The following IL21R variants were observed in gnomAD, a reference collection of about 807,000 sequenced individuals.
The protein encoded by IL21R is interleukin 21 receptor.
A neutral mutation model predicts 41.3 loss-of-function variants in IL21R; 14 were observed. That is an observed-to-expected ratio of 0.34 (90% confidence interval 0.22 to 0.53). The LOEUF (loss-of-function observed/expected upper bound fraction) is 0.53. Ranked by LOEUF, IL21R falls within the 20% of genes least tolerant of loss-of-function variation. The pLI is 0.94. For missense variants in IL21R, 588 were observed against 681.6 expected, an observed-to-expected ratio of 0.86 and a Z score of 1.53; for synonymous variants, 286 against 287.6, an observed-to-expected ratio of 0.99 and a Z score of 0.05.
intron 1 of IL21R, among the ~76,000 whole-genome samples, chr16:27,418,977 G>A (rs1272627719): frequency 6.6e-6 from 1 of 151,888 alleles, no homozygotes; most frequent in African/African-American, 2.4e-5. Flanking sequence ...CACTTTGGGA[G>A]GCCAAGGAGG....
chr16:27,405,971 G>A (rs879817607), intron 1 of IL21R, among the ~76,000 whole-genome samples: 82 of 152,246 alleles, frequency 5.4e-4, no homozygotes, highest in Non-Finnish European at 1.1e-3. Flanking sequence ...CGGGGAGTTG[G>A]GGCAAGTGCA....
intron 1 of IL21R, among the ~76,000 whole-genome samples, chr16:27,415,805 ATTGACATGGC>A (rs1345682716): frequency 7.9e-5 from 12 of 152,250 alleles, no homozygotes; most frequent in African/African-American, 2.7e-4. Flanking sequence ...AAAAGCCTGC[ATTGACATGGC>A]TATATTCCCA....
At chr16:27,430,422 C>T (rs1411762933) in intron 2 of IL21R, among the ~76,000 whole-genome samples, 1 of 152,222 alleles carries the variant, frequency 6.6e-6, no homozygotes, top group African/African-American at 2.4e-5. Flanking sequence ...TTTCCCCTGA[C>T]CTCTGCCTTG....
intron 8 of IL21R, chr16:27,447,579 C>T (rs3093381): frequency 0.037 from 5,617 of 152,248 alleles, 243 homozygotes; most frequent in East Asian, 0.1. Context: ...TAAGGGCCAC[C>T]GCCTCAGCCA....
At chr16:27,407,591 CAAG>C (rs1187220049) in intron 1 of IL21R, among the ~76,000 whole-genome samples, 1 of 152,184 alleles carries the variant, frequency 6.6e-6, no homozygotes, top group African/African-American at 2.4e-5. Flanking sequence ...TTTGGGAGGC[CAAG>C]GAGGGTGGAT....
chr16:27,451,313 T>C lies in IL21R; in HGVS notation c.*2030T>C, dbSNP rs1596603490. On this transcript the variant is annotated 3_prime_UTR_variant, in exon 9 of 9. Coordinates refer to ENST00000337929, the MANE Select transcript of IL21R (RefSeq NM_181078.3). Reference sequence around the variant, plus strand: ...GGGTGGCGGAGGGGAACACAGATGGTTGGGGAAGGCCTGAGGCCAGATTGG... The same window carrying C: ...GGGTGGCGGAGGGGAACACAGATGGCTGGGGAAGGCCTGAGGCCAGATTGG... The C allele has an allele frequency of 4.4e-6, 1 of 227,370 alleles. No homozygotes were observed. The highest frequency in any genetic ancestry group is 1.8e-4 in the South Asian group (1 of 5,472). 14.1% of individuals were successfully genotyped at this position (227,370 alleles called of 1,614,324 possible). A position where few individuals can be genotyped will look rare whatever the true frequency, so the allele number is the denominator to read the frequency against.
At chr16:27,433,609 T>A (rs1227559191) in intron 2 of IL21R, among the ~76,000 whole-genome samples, 1 of 151,756 alleles carries the variant, frequency 6.6e-6, no homozygotes, top group Non-Finnish European at 1.5e-5. Context: ...ATTGCACCCC[T>A]GTTTTAGAAC....
intron 2 of IL21R, among the ~76,000 whole-genome samples, chr16:27,431,218 T>G (rs900686455): frequency 2.0e-5 from 3 of 152,232 alleles, no homozygotes; most frequent in Admixed American, 6.5e-5. Flanking sequence ...AGGAAACAGA[T>G]GTCAAGCTTT....
At chr16:27,418,070 T>C (rs912085484) in intron 1 of IL21R, among the ~76,000 whole-genome samples, 20 of 65,752 alleles carry the variant, frequency 3.0e-4, no homozygotes, top group African/African-American at 8.6e-4. Flanking sequence ...ATTTTATTTA[T>C]GTTATTTTAT....
intron 1 of IL21R, among the ~76,000 whole-genome samples, chr16:27,421,416 T>A (rs2086999667): frequency 6.6e-6 from 1 of 150,380 alleles, no homozygotes; most frequent in Admixed American, 6.6e-5. Flanking sequence ...ATTTGAGGCG[T>A]CATCTTGATA....
intron 1 of IL21R, among the ~76,000 whole-genome samples, chr16:27,425,857 C>T (rs2087067990): frequency 6.6e-6 from 1 of 152,106 alleles, no homozygotes; most frequent in African/African-American, 2.4e-5. Context: ...TGCCCGGCCT[C>T]CCTTTCTTAA....
At chr16:27,404,521 G>C (rs2086708192) in intron 1 of IL21R, among the ~76,000 whole-genome samples, 1 of 152,182 alleles carries the variant, frequency 6.6e-6, no homozygotes, top group Admixed American at 6.5e-5. Flanking sequence ...GTAGCATCAG[G>C]ACAACCCAGG....
chr16:27,403,288 G>A (rs2086689366), intron 1 of IL21R: 1 of 1,296,944 alleles, frequency 7.7e-7, no homozygotes, highest in Non-Finnish European at 1.0e-6. Context: ...TGGAGGCTGA[G>A]CCTTGAAGGA....
intron 8 of IL21R, among the ~76,000 whole-genome samples, chr16:27,447,435 T>A (rs1426941938): frequency 6.6e-6 from 1 of 152,004 alleles, no homozygotes; most frequent in Non-Finnish European, 1.5e-5. Context: ...AGTTCTGAGA[T>A]GAGTTTTTGA....
intron 1 of IL21R, among the ~76,000 whole-genome samples, chr16:27,411,582 C>T (rs865985423): frequency 1.4e-4 from 21 of 151,382 alleles, no homozygotes; most frequent in Non-Finnish European, 1.3e-4. Flanking sequence ...CCTGCCTCAG[C>T]CTCCTGAGTA....
At chr16:27,423,238 T>TC (rs986230454) in intron 1 of IL21R, among the ~76,000 whole-genome samples, 2 of 152,104 alleles carry the variant, frequency 1.3e-5, no homozygotes, top group African/African-American at 4.8e-5. Context: ...GCAGTTTTTT[T>TC]TTTTCTGCTT....
chr16:27,414,146 G>T (rs565888357), intron 1 of IL21R, among the ~76,000 whole-genome samples: 3 of 114,504 alleles, frequency 2.6e-5, no homozygotes, highest in Non-Finnish European at 5.5e-5. Flanking sequence ...CACAATTAAG[G>T]ATAATGTTAG....
chr16:27,429,328 C>A (rs2087128726), intron 1 of IL21R, among the ~76,000 whole-genome samples: 1 of 152,160 alleles, frequency 6.6e-6, no homozygotes, highest in Non-Finnish European at 1.5e-5. Context: ...CCTTTCCAAA[C>A]TAGTTTTTTC....
At chr16:27,435,201 G>A (rs2087246698) in intron 3 of IL21R, among the ~76,000 whole-genome samples, 1 of 152,068 alleles carries the variant, frequency 6.6e-6, no homozygotes, top group South Asian at 2.1e-4. Context: ...GCTGCAGTGA[G>A]CTATGATCAC....
Sources: gnomAD v4.1 joint callset for allele counts (sites outside exome capture counted in the v4.1 genomes callset) on GRCh38, gnomAD v4.1.1 for gene constraint, MANE v1.5 for transcripts, NCBI Gene and HGNC (gene_info 2026-07-23, HGNC 2026-07-21) for gene names.